The following HS3ST5 variants were observed in gnomAD, a reference collection of about 807,000 sequenced individuals.
HS3ST5 encodes the protein heparan sulfate-glucosamine 3-sulfotransferase 5, also known as heparan sulfate glucosamine 3-O-sulfotransferase 5.
A neutral mutation model predicts 25.4 loss-of-function variants in HS3ST5; 10 were observed. The ratio of observed to expected loss-of-function variants is 0.39; its 90% confidence interval spans 0.24 to 0.67. HS3ST5 has a LOEUF of 0.67. Ranked by LOEUF, HS3ST5 falls within the 30% of genes least tolerant of loss-of-function variation. The pLI, the probability that HS3ST5 is intolerant of heterozygous loss-of-function variation, is 0.44. For missense variants in HS3ST5, 324 were observed against 420.7 expected (o/e 0.77, Z 2.01); for synonymous variants, 170 against 162.4 (o/e 1.05, Z -0.36).
At chr6:114,113,359 T>C (rs928487845) in intron 3 of HS3ST5, among the ~76,000 whole-genome samples, 4 of 152,134 alleles carry the variant, frequency 2.6e-5, no homozygotes, top group Non-Finnish European at 4.4e-5. Context: ...CGAAAATATA[T>C]GTAACTGGAC....
In HS3ST5 at chr6:114,075,408, TC is replaced by T. The variant is rs1743037791; in HGVS notation, c.-32-12532del. 2.0e-5 allele frequency among the ~76,000 whole-genome samples: 3 copies of T among 152,202 alleles called. 1 individual carries two copies. The highest frequency in any genetic ancestry group is 2.0e-4 in the Admixed American group (3 of 15,284). On this transcript the variant is annotated intron_variant, in intron 3 of 4. Transcript: ENST00000312719. ...ACTACTCTCCAAAAAGCACAACTCT[TC>T]CTTCAACAAGACTCTTTTCTTCAAA...
At position 114,190,806 on chromosome 6, in the gene HS3ST5, G is replaced by T. The variant is rs963278742; in HGVS notation, c.-144-22344C>A. On this transcript the variant is annotated intron_variant, in intron 2 of 4. Transcript: ENST00000312719. Reference sequence around the variant, plus strand: ...GGAGTTCTTGGTCTTTTAGAACTTCGCTATTGTGAAGATAACTTTTTGGCA... The same window carrying T: ...GGAGTTCTTGGTCTTTTAGAACTTCTCTATTGTGAAGATAACTTTTTGGCA... Among the ~76,000 whole-genome samples, 47 of 152,104 alleles carry T rather than the reference G, an allele frequency of 3.1e-4. 1 individual carries two copies. The highest frequency in any genetic ancestry group is 1.1e-3 in the African/African-American group (45 of 41,422).
intron 2 of HS3ST5, among the ~76,000 whole-genome samples, chr6:114,179,654 G>GTTTTTTTTTTTTTTTTTTT (rs5879251): frequency 1.1e-5 from 1 of 91,634 alleles, no homozygotes; most frequent in Admixed American, 1.1e-4. Context: ...ATTAGTCAGG[G>GTTTTTTTTTTTTTTTTTTT]TTTTTTTTTT....
chr6:114,090,756 A>G (rs1775080234), intron 3 of HS3ST5, among the ~76,000 whole-genome samples: 1 of 152,248 alleles, frequency 6.6e-6, no homozygotes, highest in African/African-American at 2.4e-5. Context: ...AAATGAGTGT[A>G]TCTTAATGGA....
At chr6:114,065,919 G>A (rs775302360) in intron 3 of HS3ST5, among the ~76,000 whole-genome samples, 7 of 152,208 alleles carry the variant, frequency 4.6e-5, no homozygotes, top group East Asian at 1.9e-4. Context: ...ACAATGCTTC[G>A]TCCACTTTCA....
intron 1 of HS3ST5, among the ~76,000 whole-genome samples, chr6:114,332,394 T>C (rs1422488951): frequency 2.0e-5 from 3 of 152,202 alleles, no homozygotes; most frequent in African/African-American, 7.2e-5. Flanking sequence ...TACAAGTTCT[T>C]TGATAACTTG....
chr6:114,204,839 T>C (rs1781198820), intron 2 of HS3ST5, among the ~76,000 whole-genome samples: 1 of 152,128 alleles, frequency 6.6e-6, no homozygotes, highest in Non-Finnish European at 1.5e-5. Context: ...GTTAAACATT[T>C]AACTAAAATA....
chr6:114,084,221 C>T, intron 3 of HS3ST5: 1 of 1,099,632 alleles, frequency 9.1e-7, no homozygotes, highest in Admixed American at 1.7e-5. Context: ...GCAATGGGAG[C>T]TGCAGACCAG....
chr6:114,085,389 C>A (rs1774741016), intron 3 of HS3ST5, among the ~76,000 whole-genome samples: 1 of 152,048 alleles, frequency 6.6e-6, no homozygotes, highest in African/African-American at 2.4e-5. Context: ...TGAATCAGAA[C>A]CCAAACTCAA....
chr6:114,260,895 A>G (rs1203750626), intron 1 of HS3ST5, among the ~76,000 whole-genome samples: 1 of 151,604 alleles, frequency 6.6e-6, no homozygotes, highest in Non-Finnish European at 1.5e-5. Context: ...GTAGGTCCTA[A>G]ACTGTTTAAA....
At chr6:114,289,643 G>A (rs1774485936) in intron 1 of HS3ST5, among the ~76,000 whole-genome samples, 1 of 152,080 alleles carries the variant, frequency 6.6e-6, no homozygotes, top group Non-Finnish European at 1.5e-5. Context: ...GTTTGTTTCA[G>A]CTAAAGGACA....
chr6:114,090,459 T>C (rs1235318494), intron 3 of HS3ST5, among the ~76,000 whole-genome samples: 1 of 152,170 alleles, frequency 6.6e-6, no homozygotes, highest in Non-Finnish European at 1.5e-5. Context: ...CTCTTCTCTG[T>C]CCTTCTTTCT....
At chr6:114,194,931 T>C (rs1315017708) in intron 2 of HS3ST5, among the ~76,000 whole-genome samples, 1 of 152,226 alleles carries the variant, frequency 6.6e-6, no homozygotes, top group Non-Finnish European at 1.5e-5. Flanking sequence ...CCTATCAGAA[T>C]AGCCACCTTG....
At chr6:114,084,304 C>G (rs1489542741) in intron 3 of HS3ST5, 2 of 771,260 alleles carry the variant, frequency 2.6e-6, no homozygotes, top group Admixed American at 3.4e-5. Flanking sequence ...CACCTGCACA[C>G]CTTCAGACCA....
At chr6:114,147,883 G>A (rs1264926245) in intron 3 of HS3ST5, among the ~76,000 whole-genome samples, 1 of 152,054 alleles carries the variant, frequency 6.6e-6, no homozygotes, top group African/African-American at 2.4e-5. Context: ...ACCTGGCAGA[G>A]AAATAAACTT....
intron 3 of HS3ST5, among the ~76,000 whole-genome samples, chr6:114,068,803 C>T (rs1481786660): frequency 6.6e-6 from 1 of 152,150 alleles, no homozygotes; most frequent in African/African-American, 2.4e-5. Context: ...AAGCTCCCCC[C>T]ATCCACAGTT....
chr6:114,207,951 C>T (rs1468058270), intron 2 of HS3ST5, among the ~76,000 whole-genome samples: 1 of 152,120 alleles, frequency 6.6e-6, no homozygotes, highest in Non-Finnish European at 1.5e-5. Context: ...TGAGGGATCC[C>T]TCTTTGAACC....
At chr6:114,280,348 G>T (rs1774052428) in intron 1 of HS3ST5, among the ~76,000 whole-genome samples, 1 of 151,922 alleles carries the variant, frequency 6.6e-6, no homozygotes, top group Non-Finnish European at 1.5e-5. Context: ...GGGGCCTAGT[G>T]AGCTGAGCCT....
At chr6:114,283,408 T>C (rs1051284137) in intron 1 of HS3ST5, among the ~76,000 whole-genome samples, 7 of 152,126 alleles carry the variant, frequency 4.6e-5, no homozygotes, top group Middle Eastern at 3.4e-3. Flanking sequence ...ATATAAATGC[T>C]ATCAAGACTA....
Sources: allele counts gnomAD v4.1 joint callset (sites outside exome capture counted in the v4.1 genomes callset), GRCh38; gene constraint gnomAD v4.1.1; transcripts MANE v1.5; gene names NCBI Gene and HGNC (gene_info 2026-07-23, HGNC 2026-07-21).